Variants in XKR6 observed in about 807,000 individuals in gnomAD.
XKR6 encodes the protein XK-related protein 6.
XKR6 carries 22 observed loss-of-function variants against 56.7 expected under a neutral mutation model. That is an observed-to-expected ratio of 0.39 (90% CI 0.28 to 0.55). The LOEUF is 0.55. Among genes scored for constraint, XKR6 ranks in the 20% least tolerant of loss-of-function variants. XKR6 has a pLI of 0.66. For missense variants in XKR6, 852 were observed against 889.0 expected, an observed-to-expected ratio of 0.96 and a Z score of 0.53; for synonymous variants, 524 against 387.8, an observed-to-expected ratio of 1.35 and a Z score of -4.13.
At chr8:10,986,754 A>C (rs1268605485) in intron 1 of XKR6, among the ~76,000 whole-genome samples, 1 of 152,102 alleles carries the variant, frequency 6.6e-6, no homozygotes, top group African/African-American at 2.4e-5. Context: ...AAGAATATTA[A>C]GATCTTTTTC....
intron 1 of XKR6, among the ~76,000 whole-genome samples, chr8:11,117,785 T>C (rs1444296412): frequency 6.6e-6 from 1 of 152,088 alleles, no homozygotes; most frequent in East Asian, 1.9e-4. Context: ...TAAATATTAA[T>C]ATGAATACAG....
chr8:11,110,209 G>C (rs1422875093), intron 1 of XKR6, among the ~76,000 whole-genome samples: 4 of 152,152 alleles, frequency 2.6e-5, no homozygotes, highest in Non-Finnish European at 4.4e-5. Flanking sequence ...CTGACCTCAA[G>C]TGCTCAGCCC....
intron 1 of XKR6, among the ~76,000 whole-genome samples, chr8:11,059,446 C>CCCGCGCCG (rs1167105141): frequency 6.6e-6 from 1 of 152,196 alleles, no homozygotes; most frequent in African/African-American, 2.4e-5. Context: ...GCTCCGCGTC[C>CCCGCGCCG]CCGCGCCGGC....
At chr8:11,056,484 A>G (rs1036463982) in intron 1 of XKR6, among the ~76,000 whole-genome samples, 4 of 152,156 alleles carry the variant, frequency 2.6e-5, no homozygotes, top group Admixed American at 6.5e-5. Context: ...TTCTGTGCAC[A>G]TGGCAGGCTC....
At chr8:11,053,420 G>A (rs535876750) in intron 1 of XKR6, among the ~76,000 whole-genome samples, 1 of 152,308 alleles carries the variant, frequency 6.6e-6, no homozygotes, top group African/African-American at 2.4e-5. Flanking sequence ...AGGTCCTTCT[G>A]GTGCTAATTA....
At chr8:11,143,236 A>C (rs1429331279) in intron 1 of XKR6, among the ~76,000 whole-genome samples, 1 of 152,218 alleles carries the variant, frequency 6.6e-6, no homozygotes, top group East Asian at 1.9e-4. Flanking sequence ...ATTCTGATAA[A>C]AAACAAACAC....
chr8:11,140,331 T>C (rs142758796), intron 1 of XKR6, among the ~76,000 whole-genome samples: 1 of 152,302 alleles, frequency 6.6e-6, no homozygotes, highest in East Asian at 1.9e-4. Flanking sequence ...TGAGAGAACA[T>C]ACCACCTATC....
chr8:11,007,758 C>G (rs951671494), intron 1 of XKR6, among the ~76,000 whole-genome samples: 1 of 152,204 alleles, frequency 6.6e-6, no homozygotes, highest in Non-Finnish European at 1.5e-5. Flanking sequence ...ACAGAGGCAG[C>G]AGGGCAAGGT....
chr8:11,122,289 G>T (rs1288289997), intron 1 of XKR6, among the ~76,000 whole-genome samples: 5 of 152,256 alleles, frequency 3.3e-5, no homozygotes, highest in African/African-American at 1.2e-4. Context: ...CTCTAGGAAG[G>T]AGGCAAAGCT....
At chr8:11,115,041 T>C (rs1799106791) in intron 1 of XKR6, among the ~76,000 whole-genome samples, 1 of 152,178 alleles carries the variant, frequency 6.6e-6, no homozygotes, top group African/African-American at 2.4e-5. Context: ...ATCTATTTCC[T>C]AATTTGAGGT....
At chr8:11,178,564 A>ATATG (rs1563197865) in intron 1 of XKR6, among the ~76,000 whole-genome samples, 7 of 141,074 alleles carry the variant, frequency 5.0e-5, no homozygotes, top group East Asian at 2.1e-4. Flanking sequence ...ATATATATAT[A>ATATG]TATATATATG....
intron 1 of XKR6, among the ~76,000 whole-genome samples, chr8:10,998,400 G>A (rs1405339975): frequency 6.6e-6 from 1 of 152,142 alleles, no homozygotes; most frequent in Non-Finnish European, 1.5e-5. Context: ...AGAATAACGA[G>A]TCTGCGTTTA....
In XKR6 at chr8:10,898,804, G is replaced by C; in HGVS notation, c.1074C>G (p.Ile358Met). 2 of 1,614,172 alleles carry C rather than the reference G, an allele frequency of 1.2e-6. No homozygotes were observed. The highest frequency in any genetic ancestry group is 1.7e-6 in the Non-Finnish European group (2 of 1,180,024). The change falls in exon 3 of 3, where the codon ATC (isoleucine) becomes ATG (methionine). Residue 358 changes from isoleucine to methionine, a missense_variant. Physicochemically the swap from Ile to Met is conservative, Grantham distance 10. Transcript: ENST00000416569. This position sits in a 1 kb window ranked among gnomAD's most constrained non-coding sequence, Gnocchi z 6.6. Reference sequence around the variant, plus strand: ...TGAAGAGGCGCCAGAAGACCTGGATGATGGCCCCTCTGTAGCTCATGCTCT... The same window carrying C: ...TGAAGAGGCGCCAGAAGACCTGGATCATGGCCCCTCTGTAGCTCATGCTCT... Reference protein sequence around the residue: ...DKKSMSYRGAIIQVFWRLFTI... With the variant: ...DKKSMSYRGAMIQVFWRLFTI...
At chr8:11,073,324 G>A (rs180842256) in intron 1 of XKR6, among the ~76,000 whole-genome samples, 9 of 152,228 alleles carry the variant, frequency 5.9e-5, no homozygotes, top group African/African-American at 2.2e-4. Context: ...TCACCTATGT[G>A]CTAGGAACTA....
Position 11,124,094 on chromosome 8 carries a change from C to G in XKR6, c.764+76482G>C, listed in dbSNP as rs1204940275. The G allele has an allele frequency of 1.1e-5, 5 of 439,574 alleles. No individual in the cohort carries two copies. The Middle Eastern group carries it at 1.3e-3, about 117-fold the overall frequency. 27.2% of individuals were successfully genotyped at this position (439,574 alleles called of 1,614,324 possible). On this transcript the variant is annotated intron_variant, in intron 1 of 2. Coordinates refer to ENST00000416569, the MANE Select transcript of XKR6 (RefSeq NM_173683.4). ...TCTAGCACGATTTCCTACTAACATA[C>G]TATATTTTTACTTATTTACTTTATC...
intron 1 of XKR6, among the ~76,000 whole-genome samples, chr8:10,992,243 A>G (rs1026555755): frequency 2.0e-5 from 3 of 151,964 alleles, no homozygotes; most frequent in African/African-American, 4.8e-5. Flanking sequence ...CCCATTAACC[A>G]TAAACTAACT....
At chr8:10,944,286 G>A (rs922977781) in intron 1 of XKR6, among the ~76,000 whole-genome samples, 3 of 152,170 alleles carry the variant, frequency 2.0e-5, no homozygotes, top group Non-Finnish European at 4.4e-5. Flanking sequence ...CTAAATTCAA[G>A]CAGGAAAGAT....
chr8:10,972,094 G>C (rs1241171260), intron 1 of XKR6, among the ~76,000 whole-genome samples: 2 of 152,054 alleles, frequency 1.3e-5, no homozygotes, highest in Admixed American at 1.3e-4. Flanking sequence ...AGTGCCAATC[G>C]CCTCTGGCTG....
At chr8:11,085,996 C>T (rs1000581796) in intron 1 of XKR6, among the ~76,000 whole-genome samples, 2 of 152,056 alleles carry the variant, frequency 1.3e-5, no homozygotes, top group Admixed American at 6.5e-5. Flanking sequence ...CACTTAAGCT[C>T]TAAGCTTCTT....
Sources: gnomAD v4.1 joint callset for allele counts (sites outside exome capture counted in the v4.1 genomes callset) on GRCh38, gnomAD v4.1.1 for gene constraint, Gnocchi (gnomAD v3.1) non-coding constraint, MANE v1.5 for transcripts, NCBI Gene and HGNC (gene_info 2026-07-23, HGNC 2026-07-21) for gene names.